The following LRRC4C variants were observed in gnomAD, a reference collection of about 807,000 sequenced individuals.
The protein encoded by LRRC4C is leucine rich repeat containing 4C, also known as leucine-rich repeat-containing protein 4C.
In LRRC4C, 5 loss-of-function variants were observed where a neutral mutation model predicts 33.6. That is an observed-to-expected ratio of 0.15 (90% CI 0.08 to 0.31). LRRC4C has a LOEUF of 0.31. Ranked by LOEUF, LRRC4C falls within the 10% of genes least tolerant of loss-of-function variation. The pLI is 1.00. For missense variants in LRRC4C, 560 were observed against 796.7 expected, an observed-to-expected ratio of 0.70 and a Z score of 3.58; for synonymous variants, 329 against 302.0, an observed-to-expected ratio of 1.09 and a Z score of -0.93.
intron 1 of LRRC4C, among the ~76,000 whole-genome samples, chr11:41,067,702 A>G (rs1938357759): frequency 1.3e-5 from 2 of 152,066 alleles, no homozygotes; most frequent in East Asian, 3.9e-4. Context: ...AATTAATAAC[A>G]GTCTCTCAGA....
chr11:41,416,488 GCTTCTGT>G (rs1483041992), intron 1 of LRRC4C, among the ~76,000 whole-genome samples: 3 of 152,040 alleles, frequency 2.0e-5, no homozygotes, highest in African/African-American at 7.2e-5. Flanking sequence ...TCACTGAACC[GCTTCTGT>G]ATTGATGTAG....
At chr11:40,750,448 T>C (rs1948627213) in intron 2 of LRRC4C, among the ~76,000 whole-genome samples, 1 of 151,742 alleles carries the variant, frequency 6.6e-6, no homozygotes, top group Non-Finnish European at 1.5e-5. Flanking sequence ...ATGTGGCACA[T>C]ATACACCATG....
At chr11:41,457,922 C>T (rs1956219085) in intron 1 of LRRC4C, among the ~76,000 whole-genome samples, 1 of 152,020 alleles carries the variant, frequency 6.6e-6, no homozygotes, top group African/African-American at 2.4e-5. Flanking sequence ...TAGGGTAATA[C>T]CAGAGTATAA....
rs1332275809 is a variant in LRRC4C at position 40,115,311 on chromosome 11, C to T, written c.982G>A (p.Ala328Thr). ...AGATTGGGAGGAGTGTTACACCGGG[C>T]ACAACAAGCTGTGTTCGAGGGGGCC... ...DMAPSNTACC[A>T]RCNTPPNLKG... The change falls in exon 7 of 7, where the codon GCC (alanine) becomes ACC (threonine). Residue 328 changes from alanine (A) to threonine (T), a missense_variant. Around this residue, in one of 3 missense-constraint regions of LRRC4C, gnomAD observed 455 missense variants for 643.8 expected, o/e 0.71. Transcript: ENST00000528697. This position sits in a 1 kb window ranked among gnomAD's most constrained non-coding sequence, Gnocchi z 6.7. 1.9e-6 allele frequency: 3 copies of T among 1,614,010 alleles called. No individual in the cohort carries two copies. Among genetic ancestry groups the T allele is most frequent in the African/African-American group, 1.3e-5 (1 of 74,898 alleles).
intron 4 of LRRC4C, among the ~76,000 whole-genome samples, chr11:40,271,783 C>T (rs1942720402): frequency 1.3e-5 from 2 of 152,186 alleles, no homozygotes; most frequent in African/African-American, 2.4e-5. Context: ...GCTCACATGA[C>T]ATCAATGGAT....
chr11:41,451,950 A>C (rs1311546458), intron 1 of LRRC4C, among the ~76,000 whole-genome samples: 1 of 152,064 alleles, frequency 6.6e-6, no homozygotes, highest in Admixed American at 6.6e-5. Flanking sequence ...CAACAGCAAA[A>C]AATTAGCAAA....
intron 1 of LRRC4C, among the ~76,000 whole-genome samples, chr11:40,940,684 A>C (rs1958100541): frequency 6.6e-6 from 1 of 152,170 alleles, no homozygotes; most frequent in Admixed American, 6.6e-5. Context: ...CAGGCTACAA[A>C]GTTCTTAGAA....
intron 2 of LRRC4C, among the ~76,000 whole-genome samples, chr11:40,883,582 G>A (rs1955290659): frequency 6.6e-6 from 1 of 151,934 alleles, no homozygotes; most frequent in Non-Finnish European, 1.5e-5. Flanking sequence ...AATGAATGAA[G>A]ACAACTTATT....
chr11:41,223,064 G>A (rs923284098), intron 1 of LRRC4C: 2 of 152,114 alleles, frequency 1.3e-5, no homozygotes, highest in Non-Finnish European at 2.9e-5. Flanking sequence ...CACTGGCACA[G>A]AGTGAACATT....
chr11:40,534,211 G>A (rs928287174), intron 3 of LRRC4C, among the ~76,000 whole-genome samples: 8 of 151,870 alleles, frequency 5.3e-5, no homozygotes, highest in African/African-American at 1.9e-4. Context: ...CCTGTCATAC[G>A]TGATGTGTCC....
chr11:40,784,370 C>A (rs182139182), intron 2 of LRRC4C, among the ~76,000 whole-genome samples: 96 of 152,264 alleles, frequency 6.3e-4, no homozygotes, highest in African/African-American at 2.2e-3. Flanking sequence ...AAAGTTCCGT[C>A]CTACCTCTCT....
At chr11:40,258,110 A>C (rs984951353) in intron 4 of LRRC4C, among the ~76,000 whole-genome samples, 3 of 152,122 alleles carry the variant, frequency 2.0e-5, no homozygotes, top group Non-Finnish European at 2.9e-5. Flanking sequence ...AGTATGTTTT[A>C]TTTTCACCAC....
chr11:40,349,990 A>T (rs11035797), intron 3 of LRRC4C, among the ~76,000 whole-genome samples: 38,337 of 152,002 alleles, frequency 0.25, 5,748 homozygotes, highest in Non-Finnish European at 0.32. Flanking sequence ...TCTGGTTATT[A>T]GTCCCTTGTC....
At chr11:41,110,810 C>CT (rs2050887005) in intron 1 of LRRC4C, among the ~76,000 whole-genome samples, 1 of 151,900 alleles carries the variant, frequency 6.6e-6, no homozygotes, top group African/African-American at 2.4e-5. Context: ...TTAAGGAGCA[C>CT]TTTTTTCAAA....
At chr11:40,890,220 T>C (rs1306125075) in intron 2 of LRRC4C, among the ~76,000 whole-genome samples, 2 of 152,168 alleles carry the variant, frequency 1.3e-5, no homozygotes, top group Admixed American at 1.3e-4. Context: ...AAGTAGGTAA[T>C]ATATTAAAAT....
Position 41,350,185 on chromosome 11 carries a change from T to G in LRRC4C, c.-496+109246A>C, listed in dbSNP as rs1437779396. ...TAGATCTGAGGTCCCCAGAACACAC[T>G]TTGAGAACCACTGACCTATAAGATC... On this transcript the variant is annotated intron_variant, in intron 1 of 6. Transcript: ENST00000528697. Among the ~76,000 whole-genome samples, 10 of 152,324 alleles carry G rather than the reference T, an allele frequency of 6.6e-5. No individual in the cohort carries two copies. In the East Asian group the frequency reaches 1.7e-3, roughly 26 times the overall value.
At chr11:40,132,318 C>T (rs1268747235) in intron 6 of LRRC4C, among the ~76,000 whole-genome samples, 1 of 152,098 alleles carries the variant, frequency 6.6e-6, no homozygotes, top group African/African-American at 2.4e-5. Flanking sequence ...AACAAATGCC[C>T]GTTGGGAAGG....
intron 2 of LRRC4C, among the ~76,000 whole-genome samples, chr11:40,811,386 C>T (rs955553236): frequency 6.6e-6 from 1 of 152,116 alleles, no homozygotes; most frequent in African/African-American, 2.4e-5. Flanking sequence ...AACATAAGTA[C>T]CTTGAGGACA....
chr11:40,986,880 C>T (rs61887579), intron 1 of LRRC4C, among the ~76,000 whole-genome samples: 18,280 of 152,018 alleles, frequency 0.12, 1,165 homozygotes, highest in Non-Finnish European at 0.13. Context: ...AAAAACAATC[C>T]GAATGAGAAA....
Sources: gnomAD v4.1 joint callset for allele counts (sites outside exome capture counted in the v4.1 genomes callset) on GRCh38, gnomAD v4.1.1 for gene constraint, gnomAD v4.1.1 regional missense constraint, Gnocchi (gnomAD v3.1) non-coding constraint, MANE v1.5 for transcripts, NCBI Gene and HGNC (gene_info 2026-07-23, HGNC 2026-07-21) for gene names.